The following UBASH3A variants were observed in gnomAD, a reference collection of about 807,000 sequenced individuals.
The protein encoded by UBASH3A is ubiquitin-associated and SH3 domain-containing protein A.
Under a neutral mutation model 73.5 loss-of-function variants are expected in UBASH3A, and 63 were observed. The ratio of observed to expected loss-of-function variants is 0.86; its 90% confidence interval spans 0.70 to 1.06. UBASH3A has a LOEUF of 1.06. Ranked by LOEUF, UBASH3A falls within the 50% of genes least tolerant of loss-of-function variation. The pLI is 0.00. For missense variants in UBASH3A, 860 were observed against 859.0 expected (o/e 1.00, Z -0.02); for synonymous variants, 363 against 351.1 (o/e 1.03, Z -0.38).
Position 42,421,319 on chromosome 21 carries a change from G to A in UBASH3A, c.1046+2710G>A, listed in dbSNP as rs185962995. ...GCAGAAATACACAGAAAAACCCTAT[G>A]TTGTGGTTCTGGGCTTCCTGGCACC... On this transcript the variant is annotated intron_variant, in intron 7 of 14. Coordinates refer to ENST00000319294, the MANE Select transcript of UBASH3A (RefSeq NM_018961.4). Among the ~76,000 whole-genome samples, 385 of 152,342 alleles carry A rather than the reference G, an allele frequency of 2.5e-3. 3 individuals carry two copies. The highest frequency in any genetic ancestry group is 8.8e-3 in the African/African-American group (364 of 41,578).
chr21:42,411,104 G>T (rs1601559341), intron 3 of UBASH3A, among the ~76,000 whole-genome samples: 1 of 135,578 alleles, frequency 7.4e-6, no homozygotes, highest in East Asian at 2.2e-4. Context: ...GATACACACA[G>T]ACACACACAG....
chr21:42,404,135 C>A, intron 1 of UBASH3A, 77 bp downstream of exon 1: 2 of 810,946 alleles, frequency 2.5e-6, no homozygotes, highest in Non-Finnish European at 3.5e-6. Context: ...CGGCATGGAG[C>A]TGCAGGGGTG....
rs374193708 is a variant in UBASH3A at position 42,426,073 on chromosome 21, T to C, written c.1047-624T>C. Among the ~76,000 whole-genome samples, 3 of 152,238 alleles carry C rather than the reference T, an allele frequency of 2.0e-5. 1 individual carries two copies. The highest frequency in any genetic ancestry group is 1.9e-4 in the East Asian group (1 of 5,184). ...CAAGTGCACAATTTGCAGGGCAGGCTGGCAGATGGGAGACCCTGGGAAGAG... is the reference window on the plus strand; with the variant it reads ...CAAGTGCACAATTTGCAGGGCAGGCCGGCAGATGGGAGACCCTGGGAAGAG... On this transcript the variant is annotated intron_variant, in intron 7 of 14. Transcript: ENST00000319294.
At chr21:42,408,898 TAAAATAAAATAAAATAAAATAA>T (rs1466397500) in intron 2 of UBASH3A, among the ~76,000 whole-genome samples, 14 of 127,818 alleles carry the variant, frequency 1.1e-4, no homozygotes, top group South Asian at 7.9e-4. Flanking sequence ...TAAAATAAAA[TAAAATAAAATAAAATAAAATAA>T]AATAAAATAA....
chr21:42,412,773 G>T (rs984744888), intron 3 of UBASH3A, among the ~76,000 whole-genome samples: 3 of 152,176 alleles, frequency 2.0e-5, no homozygotes, highest in East Asian at 3.8e-4. Flanking sequence ...ACGACCAGGG[G>T]ATTTCCAACC....
intron 14 of UBASH3A, 149 bp downstream of exon 14, chr21:42,444,792 C>T: frequency 1.5e-6 from 1 of 673,284 alleles, no homozygotes; most frequent in South Asian, 1.7e-5. Flanking sequence ...TGCCCACCGG[C>T]TCTTATGCGA....
chr21:42,447,380 AC>A lies in UBASH3A; in HGVS notation c.*189del. The stretch of plus-strand genomic sequence containing the variant: ...TCGCCTTTGTAACTCCCATCTGTGG[AC>A]CCATCGTCCACCAGCCCAGCTGCGG... On this transcript the variant is annotated 3_prime_UTR_variant, in exon 15 of 15. Coordinates refer to ENST00000319294, the MANE Select transcript of UBASH3A (RefSeq NM_018961.4). 1 of 627,076 alleles carries A rather than the reference AC, an allele frequency of 1.6e-6. No homozygotes were observed. The highest frequency in any genetic ancestry group is 1.9e-5 in the African/African-American group (1 of 53,526). 38.8% of individuals were successfully genotyped at this position (627,076 alleles called of 1,614,324 possible). A position where few individuals can be genotyped will look rare whatever the true frequency, so the allele number is the denominator to read the frequency against.
At chr21:42,435,015 G>T (rs1278148488) in intron 10 of UBASH3A, 61 bp downstream of exon 10, 1 of 1,592,146 alleles carries the variant, frequency 6.3e-7, no homozygotes, top group Non-Finnish European at 8.6e-7. Context: ...ATTATGGCTA[G>T]CAGGCATCCA....
intron 11 of UBASH3A, among the ~76,000 whole-genome samples, chr21:42,439,878 C>T (rs995664571): frequency 4.8e-5 from 7 of 145,684 alleles, no homozygotes; most frequent in Non-Finnish European, 9.1e-5. Flanking sequence ...TAACATACAA[C>T]ACGCTGAACA....
chr21:42,418,769 G>T (rs1020333010), intron 7 of UBASH3A, among the ~76,000 whole-genome samples, 160 bp downstream of exon 7: 2 of 152,116 alleles, frequency 1.3e-5, no homozygotes, highest in African/African-American at 4.8e-5. Flanking sequence ...TAAACATCTT[G>T]GTTCGTCCCT....
intron 8 of UBASH3A, among the ~76,000 whole-genome samples, chr21:42,427,780 C>G (rs528225947): frequency 4.6e-5 from 7 of 152,120 alleles, no homozygotes; most frequent in Non-Finnish European, 8.8e-5. Flanking sequence ...TTCCCTAGTC[C>G]CCAGGGCCCA....
In UBASH3A at chr21:42,431,554, T is replaced by C. The variant is rs186946937; in HGVS notation, c.1171-549T>C. On this transcript the variant is annotated intron_variant, in intron 8 of 14. Transcript: ENST00000319294. ...CAGCCAAACAGAGAATGACCAGCTATGGGAAAACAGCAAGGGGATGGATGA... is the reference window on the plus strand; with the variant it reads ...CAGCCAAACAGAGAATGACCAGCTACGGGAAAACAGCAAGGGGATGGATGA... Among the ~76,000 whole-genome samples, 91 of 152,312 alleles carry C rather than the reference T, an allele frequency of 6.0e-4. 4 individuals carry two copies. The East Asian group carries it at 0.017, about 28-fold the overall frequency.
intron 11 of UBASH3A, among the ~76,000 whole-genome samples, chr21:42,441,611 G>A (rs1258352409): frequency 7.1e-5 from 8 of 112,916 alleles, no homozygotes; most frequent in Non-Finnish European, 1.4e-4. Flanking sequence ...CGGGAGCCTG[G>A]TTGATGGGGG....
Position 42,437,469 on chromosome 21 carries a change from C to T in UBASH3A, c.1394-19C>T, listed in dbSNP as rs747146839. On this transcript the variant is annotated intron_variant, in intron 10 of 14. Transcript: ENST00000319294. ...AGAATTATGAAGGGGCATTTTCTGC[C>T]TTTTTCACTATTTTCCAGGGGACGC... 1 of 1,611,108 alleles carries T rather than the reference C, an allele frequency of 6.2e-7. No individual in the cohort carries two copies. Among genetic ancestry groups the T allele is most frequent in the South Asian group, 1.1e-5 (1 of 91,038 alleles).
At chr21:42,434,174 T>G (rs916236503) in intron 9 of UBASH3A, among the ~76,000 whole-genome samples, 1 of 152,204 alleles carries the variant, frequency 6.6e-6, no homozygotes, top group Non-Finnish European at 1.5e-5. Flanking sequence ...CAATCGCTAC[T>G]CTTTCCCTGT....
At chr21:42,406,160 G>A (rs1014349178) in intron 1 of UBASH3A, 148 bp from the exon 2 acceptor site, 24 of 720,458 alleles carry the variant, frequency 3.3e-5, no homozygotes, top group African/African-American at 5.2e-5. Context: ...GGGGACAGGC[G>A]CTAGAACTTC....
chr21:42,411,665 C>T (rs1000015408), intron 3 of UBASH3A, among the ~76,000 whole-genome samples: 2 of 152,208 alleles, frequency 1.3e-5, no homozygotes, highest in Non-Finnish European at 2.9e-5. Context: ...CAGTTCTGGC[C>T]TGGCCGTGGT....
chr21:42,440,426 C>T (rs2053721331), intron 11 of UBASH3A, among the ~76,000 whole-genome samples: 1 of 152,188 alleles, frequency 6.6e-6, no homozygotes, highest in Admixed American at 6.5e-5. Context: ...TAACCAAACA[C>T]CTATAATCAT....
In UBASH3A at chr21:42,418,682, A is replaced by T. The variant is rs2053273522; in HGVS notation, c.1046+73A>T. The T allele has an allele frequency of 2.8e-6, 4 of 1,408,366 alleles. No homozygotes were observed. In the East Asian group the frequency reaches 9.8e-5, roughly 34 times the overall value. The allele number at this position is 1,408,366 out of a possible 1,614,324, so 87.2% of individuals were successfully genotyped here. ...TGTGTGAGAGTGCCCACCTGCCAAC[A>T]GTGTGCTTCTAGACCATTCCATTAT... is the stretch of plus-strand genomic sequence containing the variant. On this transcript the variant is annotated intron_variant, in intron 7 of 14. Coordinates refer to ENST00000319294, the MANE Select transcript of UBASH3A (RefSeq NM_018961.4).
Sources: allele counts gnomAD v4.1 joint callset (sites outside exome capture counted in the v4.1 genomes callset), GRCh38; gene constraint gnomAD v4.1.1; transcripts MANE v1.5; gene names NCBI Gene and HGNC (gene_info 2026-07-23, HGNC 2026-07-21).